The following DLEU7 variants were observed in gnomAD, a reference collection of about 807,000 sequenced individuals.
DLEU7 encodes the protein leukemia-associated protein 7.
DLEU7 carries 17 observed loss-of-function variants against 16.0 expected under a neutral mutation model. The observed-to-expected ratio is 1.06, with a 90% CI of 0.73 to 1.59. The LOEUF is 1.59. DLEU7 is among the 40% of genes most tolerant of loss of function. DLEU7 has a pLI of 0.00. For missense variants in DLEU7, 308 were observed against 314.9 expected (o/e 0.98, Z 0.17); for synonymous variants, 113 against 139.8 (o/e 0.81, Z 1.35).
chr13:50,808,568 G>A (rs569000673), intron 1 of DLEU7: 1 of 152,216 alleles, frequency 6.6e-6, no homozygotes, highest in Admixed American at 6.5e-5. Context: ...ACACAGATAT[G>A]TGTTGAGTGA....
chr13:50,814,711 A>G (rs1051270757), intron 1 of DLEU7, among the ~76,000 whole-genome samples: 1 of 145,298 alleles, frequency 6.9e-6, no homozygotes, highest in Non-Finnish European at 1.5e-5. Flanking sequence ...ACACACTCGC[A>G]TGAAAACTGA....
intron 1 of DLEU7, among the ~76,000 whole-genome samples, chr13:50,762,189 C>CAAAAAAAAAAA (rs71085045): frequency 3.6e-5 from 3 of 84,294 alleles, no homozygotes; most frequent in South Asian, 4.3e-4. Flanking sequence ...AGACTCGTCT[C>CAAAAAAAAAAA]AAAAAAAAAA....
chr13:50,812,851 A>G (rs1309383147), intron 1 of DLEU7: 1 of 150,322 alleles, frequency 6.7e-6, no homozygotes, highest in Non-Finnish European at 1.5e-5. Context: ...AATTCTTAAC[A>G]TGAAAGTAGC....
At chr13:50,754,407 C>T (rs1264119157) in intron 1 of DLEU7, among the ~76,000 whole-genome samples, 2 of 152,182 alleles carry the variant, frequency 1.3e-5, no homozygotes, top group South Asian at 2.1e-4. Flanking sequence ...TGGACAAGGC[C>T]TTTTACCATT....
At chr13:50,740,087 T>C (rs1026355876) in intron 1 of DLEU7, among the ~76,000 whole-genome samples, 22 of 152,212 alleles carry the variant, frequency 1.4e-4, no homozygotes, top group Admixed American at 1.3e-4. Flanking sequence ...CAAGTTCTTT[T>C]AAGCCTGAAA....
At chr13:50,794,932 A>T (rs1447224499) in intron 1 of DLEU7, among the ~76,000 whole-genome samples, 1 of 151,412 alleles carries the variant, frequency 6.6e-6, no homozygotes, top group African/African-American at 2.4e-5. Flanking sequence ...ATTATATATT[A>T]TGTATTATAT....
chr13:50,747,047 A>G (rs1441060775), intron 1 of DLEU7, among the ~76,000 whole-genome samples: 4 of 152,232 alleles, frequency 2.6e-5, no homozygotes, highest in African/African-American at 9.6e-5. Flanking sequence ...TTCGTGCAAT[A>G]TAACCAAAAG....
chr13:50,787,233 A>G (rs1347646975), intron 1 of DLEU7, among the ~76,000 whole-genome samples: 1 of 152,220 alleles, frequency 6.6e-6, no homozygotes, highest in Non-Finnish European at 1.5e-5. Context: ...TGGTGAGGTC[A>G]GGCCTGCTTA....
At chr13:50,805,247 G>A (rs1876356859) in intron 1 of DLEU7, among the ~76,000 whole-genome samples, 1 of 152,002 alleles carries the variant, frequency 6.6e-6, no homozygotes, top group Non-Finnish European at 1.5e-5. Flanking sequence ...TTGTTTTGTT[G>A]TTTATTTGCT....
intron 1 of DLEU7, among the ~76,000 whole-genome samples, chr13:50,824,551 A>G (rs989664194): frequency 6.6e-6 from 1 of 152,200 alleles, no homozygotes; most frequent in African/African-American, 2.4e-5. Flanking sequence ...GCTGCCTACC[A>G]ATACTATGAA....
At chr13:50,721,482 A>T (rs5008190) in intron 1 of DLEU7, among the ~76,000 whole-genome samples, 156 of 152,060 alleles carry the variant, frequency 1.0e-3, no homozygotes, top group Middle Eastern at 6.8e-3. Flanking sequence ...TTAAAAAAAA[A>T]TGCAAGTGAT....
intron 1 of DLEU7, among the ~76,000 whole-genome samples, chr13:50,838,276 C>G (rs2137816315): frequency 6.6e-6 from 1 of 152,334 alleles, no homozygotes; most frequent in Non-Finnish European, 1.5e-5. Flanking sequence ...AACGGGTGAG[C>G]TCACAGGCAG....
intron 1 of DLEU7, among the ~76,000 whole-genome samples, chr13:50,761,912 CG>C (rs1160005627): frequency 6.6e-6 from 1 of 151,816 alleles, no homozygotes; most frequent in Non-Finnish European, 1.5e-5. Flanking sequence ...AATATTGGGC[CG>C]GGCACGGTGG....
At position 50,748,748 on chromosome 13, in the gene DLEU7, T is replaced by A. The variant is rs536909930; in HGVS notation, c.460-35508A>T. 6.0e-5 allele frequency among the ~76,000 whole-genome samples: 9 copies of A among 151,136 alleles called. No individual in the cohort carries two copies. In the South Asian group the frequency reaches 1.3e-3, roughly 21 times the overall value. ...CAGAGAGAAAGCAAGAGAGAAGAAG[T>A]GGAAGGAGAAGGAGAAGAAAAAGAA... On this transcript the variant is annotated intron_variant, in intron 1 of 1. Transcript: ENST00000400393.
At chr13:50,793,085 T>C (rs1876011422) in intron 1 of DLEU7, among the ~76,000 whole-genome samples, 1 of 152,184 alleles carries the variant, frequency 6.6e-6, no homozygotes, top group Non-Finnish European at 1.5e-5. Flanking sequence ...TGTGTCCATA[T>C]GTACCCAATG....
chr13:50,754,415 A>G (rs1874689186), intron 1 of DLEU7, among the ~76,000 whole-genome samples: 1 of 152,200 alleles, frequency 6.6e-6, no homozygotes, highest in Admixed American at 6.5e-5. Flanking sequence ...GCCTTTTACC[A>G]TTATATAATA....
intron 1 of DLEU7, among the ~76,000 whole-genome samples, chr13:50,729,274 C>T (rs188392225): frequency 4.6e-5 from 7 of 152,288 alleles, no homozygotes; most frequent in Admixed American, 4.6e-4. Context: ...TAAGAAAGAA[C>T]ATGCAGTATT....
chr13:50,823,289 G>T lies in DLEU7; in HGVS notation c.*25C>A. Reference sequence around the variant, plus strand: ...GGTTCTCTTAACAGTGCTGGCTGTGGTTTTACTCCCGATGCCTTTAACACT... The same window carrying T: ...GGTTCTCTTAACAGTGCTGGCTGTGTTTTTACTCCCGATGCCTTTAACACT... On this transcript the variant is annotated 3_prime_UTR_variant, in exon 2 of 2. Coordinates refer to ENST00000504404, the MANE Select transcript of DLEU7 (RefSeq NM_001306135.2). 3 of 1,534,252 alleles carry T rather than the reference G, an allele frequency of 2.0e-6. No homozygotes were observed. The highest frequency in any genetic ancestry group is 2.6e-6 in the Non-Finnish European group (3 of 1,145,320).
downstream of DLEU7, chr13:50,822,880 T>G: frequency 1.0e-6 from 1 of 988,750 alleles, no homozygotes; most frequent in Non-Finnish European, 1.2e-6. Context: ...ACAAAGCAAT[T>G]ATCAAATATC....
Sources: allele counts gnomAD v4.1 joint callset (sites outside exome capture counted in the v4.1 genomes callset), GRCh38; gene constraint gnomAD v4.1.1; transcripts MANE v1.5; gene names NCBI Gene and HGNC (gene_info 2026-07-23, HGNC 2026-07-21).